The following PCDHGB4 variants were observed in gnomAD, a reference collection of about 807,000 sequenced individuals.
PCDHGB4 encodes protocadherin gamma subfamily B, 4, also known as protocadherin gamma-B4.
PCDHGB4 carries 38 observed loss-of-function variants against 60.5 expected under a neutral mutation model. That is an observed-to-expected ratio of 0.63 (90% CI 0.48 to 0.82). The LOEUF (loss-of-function observed/expected upper bound fraction) is 0.82, where lower values mean the gene tolerates loss of function less well. Ranked by LOEUF, PCDHGB4 falls within the 40% of genes least tolerant of loss-of-function variation. PCDHGB4 has a pLI of 0.00. For missense variants in PCDHGB4, 1,109 were observed against 1,209.6 expected, an observed-to-expected ratio of 0.92 and a Z score of 1.23; for synonymous variants, 456 against 509.7, an observed-to-expected ratio of 0.89 and a Z score of 1.42.
At position 141,477,830 on chromosome 5, in the gene PCDHGB4, C is replaced by T; in HGVS notation, c.2398-16977C>T. ...TGCCCCCCAGGTCCTATATCCTCGG[C>T]CAGGTGGGAGCTCGGTGGAGATGCT... is the stretch of plus-strand genomic sequence containing the variant. On this transcript the variant is annotated intron_variant, in intron 1 of 3. Transcript: ENST00000519479. The surrounding 1 kb of genome is among the most constrained non-coding windows in gnomAD (Gnocchi z 4.9). 1 of 1,614,170 alleles carries T rather than the reference C, an allele frequency of 6.2e-7. No individual in the cohort carries two copies. Among genetic ancestry groups the T allele is most frequent in the Non-Finnish European group, 8.5e-7 (1 of 1,180,038 alleles).
At chr5:141,407,261 C>G (rs1396861077) in intron 1 of PCDHGB4, among the ~76,000 whole-genome samples, 1 of 152,128 alleles carries the variant, frequency 6.6e-6, no homozygotes, top group Non-Finnish European at 1.5e-5. Flanking sequence ...TATTTTTAAC[C>G]ATGCAACAAG....
chr5:141,495,028 G>C, intron 2 of PCDHGB4, 163 bp downstream of exon 2: 3 of 966,196 alleles, frequency 3.1e-6, no homozygotes, highest in Non-Finnish European at 3.7e-6. Flanking sequence ...CACAGACCCC[G>C]GAAGGAAGAG....
In PCDHGB4 at chr5:141,406,055, T is replaced by C. The variant is rs2094752189; in HGVS notation, c.2397+15774T>C. 5.3e-5 allele frequency among the ~76,000 whole-genome samples: 8 copies of C among 150,380 alleles called. No individual in the cohort carries two copies. In the South Asian group the frequency reaches 1.5e-3, roughly 28 times the overall value. On this transcript the variant is annotated intron_variant, in intron 1 of 3. Transcript: ENST00000519479. ...CTTCATTGGTTGCAGTGGACTCATA[T>C]CATAAAATTCTTACTCCTTTTTTTT...
At chr5:141,445,490 C>A (rs1181158971) in intron 1 of PCDHGB4, among the ~76,000 whole-genome samples, 1 of 152,134 alleles carries the variant, frequency 6.6e-6, no homozygotes, top group African/African-American at 2.4e-5. Flanking sequence ...AGTTAATGGG[C>A]CCTATTCTAA....
intron 1 of PCDHGB4, among the ~76,000 whole-genome samples, chr5:141,451,138 A>T (rs1348825654): frequency 6.6e-6 from 1 of 152,242 alleles, no homozygotes; most frequent in East Asian, 1.9e-4. Flanking sequence ...TTATGATTGT[A>T]TTTAGACTAG....
intron 1 of PCDHGB4, chr5:141,420,475 A>G (rs1590231324): frequency 3.0e-6 from 2 of 665,126 alleles, no homozygotes; most frequent in Admixed American, 7.8e-5. Context: ...ATTTTAAAGC[A>G]AACTACATGG....
intron 1 of PCDHGB4, chr5:141,399,936 C>A (rs1370105984): frequency 6.2e-7 from 1 of 1,612,268 alleles, no homozygotes; most frequent in African/African-American, 1.3e-5. Flanking sequence ...TGTCCTACCA[C>A]GTGCTGCAGG....
intron 1 of PCDHGB4, chr5:141,399,738 G>T: frequency 1.2e-6 from 2 of 1,613,268 alleles, no homozygotes; most frequent in South Asian, 2.2e-5. Flanking sequence ...GCTCGCCTGC[G>T]CTCAGCGCAA....
rs2091811622 is a variant in PCDHGB4, at chr5:141,389,533, T to C, written c.1649T>C (p.Val550Ala). Residue 550 changes from valine (V) to alanine (A), a missense_variant, in exon 1 of 4, where the codon GTG becomes GCG. Physicochemically the swap from Val to Ala is moderately conservative, Grantham distance 64 (BLOSUM62 0). Around this residue, in one of 2 missense-constraint regions of PCDHGB4, gnomAD observed 1,068 missense variants for 1,089.9 expected, o/e 0.98. Transcript: ENST00000519479. The stretch of plus-strand genomic sequence containing the variant: ...GCGAACGTGAGCCTGCGCGTGTTAG[T>C]GGACGACCGCAACGACAATGCGCCA... ...LSANVSLRVL[V>A]DDRNDNAPRV... 2.5e-6 allele frequency: 4 copies of C among 1,613,216 alleles called. No individual in the cohort carries two copies. Among genetic ancestry groups the C allele is most frequent in the South Asian group, 2.2e-5 (2 of 91,076 alleles).
intron 1 of PCDHGB4, chr5:141,422,849 C>A: frequency 1.2e-6 from 2 of 1,614,238 alleles, no homozygotes; most frequent in Non-Finnish European, 8.5e-7. Context: ...AGCGGGGACC[C>A]GCCCCTCAGC....
intron 1 of PCDHGB4, chr5:141,478,450 AGCCAGTCCACTGGCCAGCC>A (rs1562070520): frequency 6.2e-7 from 1 of 1,613,572 alleles, no homozygotes. Context: ...AACCTGGTGC[AGCCAGTCCACTGGCCAGCC>A]GCCAGAACAC....
intron 1 of PCDHGB4, chr5:141,402,791 C>A: frequency 1.0e-6 from 1 of 998,930 alleles, no homozygotes; most frequent in Non-Finnish European, 1.4e-6. Context: ...TCTGCGGCTA[C>A]ACAAAACCCG....
At position 141,389,010 on chromosome 5, in the gene PCDHGB4, C is replaced by G. The variant is rs141101630; in HGVS notation, c.1126C>G (p.His376Asp). ...CAAAGTCCGTGACAAGGATTCCAGA[C>G]ACAATGGAGAAGTGACTTGTAAATT... ...LLKVRDKDSR[H>D]NGEVTCKLEG... The change falls in exon 1 of 4, where the codon CAC becomes GAC. Residue 376 changes from histidine (H) to aspartate (D), a missense_variant. By Grantham distance (81) the His-to-Asp change is moderately conservative. Transcript: ENST00000519479. 227 of 1,613,980 alleles carry G rather than the reference C, an allele frequency of 1.4e-4. 1 individual carries two copies. In the African/African-American group the frequency reaches 2.6e-3, roughly 18 times the overall value.
intron 1 of PCDHGB4, among the ~76,000 whole-genome samples, chr5:141,474,143 TATC>T (rs1371874237): frequency 1.3e-5 from 2 of 152,188 alleles, no homozygotes; most frequent in Non-Finnish European, 2.9e-5. Context: ...CAGGCCTTAT[TATC>T]AAGAAAATGA....
rs769358867 is a variant in PCDHGB4 at position 141,388,773 on chromosome 5, G to T, written c.889G>T (p.Gly297Trp). 12 of 1,613,808 alleles carry T rather than the reference G, an allele frequency of 7.4e-6. No individual in the cohort carries two copies. Among genetic ancestry groups the T allele is most frequent in the Non-Finnish European group, 9.3e-6 (11 of 1,179,764 alleles). The change falls in exon 1 of 4, where the codon GGG becomes TGG. Residue 297 changes from glycine to tryptophan, a missense_variant. Physicochemically the swap from Gly to Trp is radical, Grantham distance 184. This residue lies in a region of PCDHGB4 where 1,068 missense variants were observed against 1,089.9 expected (regional missense o/e 0.98). Coordinates refer to ENST00000519479, the MANE Select transcript of PCDHGB4 (RefSeq NM_003736.4). Reference protein sequence around the residue: ...ITQFDLNSNTGEITVLNTLDF... With the variant: ...ITQFDLNSNTWEITVLNTLDF... ...CCAATTTGACCTGAACTCTAACACC[G>T]GGGAAATTACTGTTTTAAATACATT...
intron 1 of PCDHGB4, among the ~76,000 whole-genome samples, chr5:141,455,137 G>A (rs892739175): frequency 2.7e-5 from 4 of 150,642 alleles, no homozygotes; most frequent in African/African-American, 9.8e-5. Flanking sequence ...ATTACACTGT[G>A]TTAAATAAAT....
intron 1 of PCDHGB4, among the ~76,000 whole-genome samples, chr5:141,470,448 T>C (rs1384666661): frequency 6.6e-6 from 1 of 152,192 alleles, no homozygotes. Flanking sequence ...TTTAATAGCA[T>C]CTTGAATAGG....
At chr5:141,468,330 C>CAAAAA (rs533390277) in intron 1 of PCDHGB4, 4 of 79,848 alleles carry the variant, frequency 5.0e-5, no homozygotes, top group African/African-American at 7.8e-5. Context: ...AACTCCATCT[C>CAAAAA]AAAAAAAAAA....
intron 1 of PCDHGB4, among the ~76,000 whole-genome samples, chr5:141,483,652 G>A (rs746306843): frequency 2.0e-5 from 3 of 151,916 alleles, no homozygotes; most frequent in Non-Finnish European, 4.4e-5. Context: ...GTGTGTTTGT[G>A]TGTGTGTGTG....
Sources: allele counts gnomAD v4.1 joint callset (sites outside exome capture counted in the v4.1 genomes callset), GRCh38; gene constraint gnomAD v4.1.1; regional missense constraint gnomAD v4.1.1; non-coding constraint Gnocchi (gnomAD v3.1); transcripts MANE v1.5; gene names NCBI Gene and HGNC (gene_info 2026-07-23, HGNC 2026-07-21).